The following NUP50 variants were observed in gnomAD, a reference collection of about 807,000 sequenced individuals.
NUP50 encodes nuclear pore complex protein Nup50.
In NUP50, 14 loss-of-function variants were observed where a neutral mutation model predicts 36.8. The ratio of observed to expected loss-of-function variants is 0.38; its 90% CI spans 0.25 to 0.59. NUP50 has a LOEUF of 0.59. Ranked by LOEUF, NUP50 falls within the 20% of genes least tolerant of loss-of-function variation. The pLI is 0.63. For missense variants in NUP50, 455 were observed against 564.6 expected (o/e 0.81, Z 1.97); for synonymous variants, 195 against 210.8 (o/e 0.93, Z 0.65).
intron 2 of NUP50, 60 bp from the exon 3 acceptor site, chr22:45,171,540 G>C (rs980803659): frequency 1.4e-6 from 2 of 1,433,408 alleles, no homozygotes; most frequent in South Asian, 2.3e-5. Flanking sequence ...TGTTGTTGTT[G>C]AGGATTTTGT....
intron 3 of NUP50, among the ~76,000 whole-genome samples, chr22:45,172,951 C>G (rs917031436): frequency 1.3e-5 from 2 of 152,166 alleles, no homozygotes; most frequent in African/African-American, 4.8e-5. Context: ...TACATGAAAT[C>G]GATTCTCAGG....
In NUP50 at chr22:45,186,815, CTT is replaced by C. The variant is rs935246293; in HGVS notation, c.*2162_*2163del. 1 of 152,516 alleles carries C rather than the reference CTT, an allele frequency of 6.6e-6. No homozygotes were observed. Among genetic ancestry groups the C allele is most frequent in the Non-Finnish European group, 1.5e-5 (1 of 68,032 alleles). 9.4% of individuals were successfully genotyped at this position (152,516 alleles called of 1,614,324 possible). A position where few individuals can be genotyped will look rare whatever the true frequency, so the allele number is the denominator to read the frequency against. ...ATTTTCTTAAAATCACTCTTTTATG[CTT>C]TAGGAACTGGTTGGTCTCCACTTTG... is the stretch of plus-strand genomic sequence containing the variant. On this transcript the variant is annotated 3_prime_UTR_variant, in exon 8 of 8. Coordinates refer to ENST00000347635, the MANE Select transcript of NUP50 (RefSeq NM_007172.4).
intron 1 of NUP50, 195 bp downstream of exon 1, chr22:45,164,491 C>T (rs532615013): frequency 2.8e-5 from 4 of 142,118 alleles, no homozygotes; most frequent in South Asian, 2.4e-4. Flanking sequence ...GGTGCGGGGC[C>T]GGGGGACCAG....
rs924495273 is a variant in NUP50, at chr22:45,164,227, C to T, written c.-80C>T. On this transcript the variant is annotated 5_prime_UTR_variant, in exon 1 of 8. Coordinates refer to ENST00000347635, the MANE Select transcript of NUP50 (RefSeq NM_007172.4). ...CCGGCGACCCCTGCGGGCTCCAGACCCCTGCGCCGCTGCGCCCCGGGTTTC... is the reference window on the plus strand; with the variant it reads ...CCGGCGACCCCTGCGGGCTCCAGACTCCTGCGCCGCTGCGCCCCGGGTTTC... The T allele has an allele frequency of 4.6e-5, 7 of 152,432 alleles. No homozygotes were observed. Among genetic ancestry groups the T allele is most frequent in the African/African-American group, 9.6e-5 (4 of 41,580 alleles). 9.4% of individuals were successfully genotyped at this position (152,432 alleles called of 1,614,324 possible).
In NUP50 at chr22:45,178,665, A is replaced by G. The variant is rs143190110; in HGVS notation, c.768A>G (p.Glu256=). The change falls in exon 5 of 8, where the codon GAA becomes GAG. Residue 256 remains glutamate (E), a synonymous_variant. Transcript: ENST00000347635. ...ACAAGAAGATGGAGGTGGCATCTGA[A>G]AAGAAAACGGACCCATCATCACTAG... ...TPDKKMEVAS[E]KKTDPSSLGA... is the part of the protein sequence containing the mutation. 1.4e-4 allele frequency: 228 copies of G among 1,611,952 alleles called. No individual in the cohort carries two copies. The highest frequency in any genetic ancestry group is 1.9e-4 in the Non-Finnish European group (219 of 1,179,862).
In NUP50 at chr22:45,168,157, C is replaced by G; in HGVS notation, c.-10-11C>G. Reference sequence around the variant, plus strand: ...CTAGAAAAATAAACTCTTCTGTTTTCTATAACTTAGGTTCGAAAACATGGC... The same window carrying G: ...CTAGAAAAATAAACTCTTCTGTTTTGTATAACTTAGGTTCGAAAACATGGC... On this transcript the variant is annotated splice_polypyrimidine_tract_variant and intron_variant, in intron 1 of 7. Coordinates refer to ENST00000347635, the MANE Select transcript of NUP50 (RefSeq NM_007172.4). 1.9e-6 allele frequency: 3 copies of G among 1,588,514 alleles called. No individual in the cohort carries two copies. Among genetic ancestry groups the G allele is most frequent in the Non-Finnish European group, 2.6e-6 (3 of 1,165,928 alleles).
At chr22:45,176,152 T>G in intron 4 of NUP50, 72 bp downstream of exon 4, 1 of 1,486,482 alleles carries the variant, frequency 6.7e-7, no homozygotes, top group South Asian at 1.3e-5. Flanking sequence ...AAGATGTTTT[T>G]CTTATAGCTA....
chr22:45,171,117 G>T, intron 2 of NUP50: 2 of 1,277,434 alleles, frequency 1.6e-6, no homozygotes, highest in Non-Finnish European at 2.0e-6. Context: ...AAGGTCCTAG[G>T]TGCCTCCGTG....
intron 3 of NUP50, chr22:45,172,282 G>C (rs2074207528): frequency 6.6e-6 from 1 of 150,752 alleles, no homozygotes; most frequent in Admixed American, 6.6e-5. Flanking sequence ...TGGACATCTG[G>C]TGTTAGGCAG....
At chr22:45,181,409 C>A in intron 6 of NUP50, 42 bp downstream of exon 6, 2 of 1,300,164 alleles carry the variant, frequency 1.5e-6, no homozygotes, top group Non-Finnish European at 1.1e-6. Context: ...GTTTTGCAGG[C>A]ATGGTGGCAT....
At chr22:45,174,321 G>A (rs1434179396) in intron 3 of NUP50, among the ~76,000 whole-genome samples, 2 of 152,142 alleles carry the variant, frequency 1.3e-5, no homozygotes, top group Admixed American at 1.3e-4. Context: ...GGGACTACAG[G>A]CATGCGCCAC....
Position 45,185,237 on chromosome 22 carries a change from C to G in NUP50, c.*582C>G, listed in dbSNP as rs1307853649. ...AGCGTTCGAATCATTGGCCTGTAAC[C>G]CTGTGGGCTGCTTCACGAGAATTCA... On this transcript the variant is annotated 3_prime_UTR_variant, in exon 8 of 8. Transcript: ENST00000347635. The G allele has an allele frequency of 6.5e-6, 1 of 153,414 alleles. No homozygotes were observed. Among genetic ancestry groups the G allele is most frequent in the African/African-American group, 2.4e-5 (1 of 41,376 alleles). The allele number at this position is 153,414 out of a possible 1,614,324, so 9.5% of individuals were successfully genotyped here.
In NUP50 at chr22:45,185,541, CTG is replaced by C. The variant is rs1413484525; in HGVS notation, c.*889_*890del. On this transcript the variant is annotated 3_prime_UTR_variant, in exon 8 of 8. Coordinates refer to ENST00000347635, the MANE Select transcript of NUP50 (RefSeq NM_007172.4). Reference sequence around the variant, plus strand: ...ATGATCAACCCCACGCACATGAAAACTGTGACCAAGTGACGTGCCTGGGAGCT... The same window carrying C: ...ATGATCAACCCCACGCACATGAAAACTGACCAAGTGACGTGCCTGGGAGCT... 13 of 151,990 alleles carry C rather than the reference CTG, an allele frequency of 8.6e-5. No homozygotes were observed. Among genetic ancestry groups the C allele is most frequent in the East Asian group, 1.9e-4 (1 of 5,196 alleles). The allele number at this position is 151,990 out of a possible 1,614,324, so 9.4% of individuals were successfully genotyped here.
At chr22:45,166,139 G>A (rs2074090412) in intron 1 of NUP50, 3 of 152,116 alleles carry the variant, frequency 2.0e-5, no homozygotes, top group East Asian at 1.9e-4. Flanking sequence ...GGACGTGGAA[G>A]CCCCTACATT....
At chr22:45,179,726 A>T (rs1192910357) in intron 5 of NUP50, among the ~76,000 whole-genome samples, 3 of 152,104 alleles carry the variant, frequency 2.0e-5, no homozygotes, top group Non-Finnish European at 2.9e-5. Flanking sequence ...CTCTACAAAA[A>T]TTTTTAAAAA....
intron 3 of NUP50, chr22:45,175,684 C>G (rs1313630972): frequency 2.1e-6 from 1 of 466,860 alleles, no homozygotes; most frequent in African/African-American, 2.0e-5. Flanking sequence ...CTGCCTGTTT[C>G]AGGAAAGCAG....
At position 45,183,426 on chromosome 22, in the gene NUP50, C is replaced by T. The variant is rs766373082; in HGVS notation, c.1110C>T (p.Asp370=). Residue 370 remains aspartate (D), a synonymous_variant, in exon 7 of 8, where the codon GAC becomes GAT. Transcript: ENST00000347635. ...GGTGTAAACTGTTTTACAAGAAAGA[C>T]AATGAGTTTAAAGAGAAAGGCATAG... ...SKKCKLFYKK[D]NEFKEKGIGT... 9.4e-6 allele frequency: 15 copies of T among 1,601,128 alleles called. No homozygotes were observed. The highest frequency in any genetic ancestry group is 2.2e-5 in the South Asian group (2 of 90,718).
chr22:45,168,933 A>G (rs369698566), intron 2 of NUP50, among the ~76,000 whole-genome samples: 23 of 127,576 alleles, frequency 1.8e-4, no homozygotes, highest in African/African-American at 7.1e-4. Flanking sequence ...ACAGAGTCTC[A>G]CCCTGTTGCC....
chr22:45,170,361 CTGGACTCTACAGTCG>C (rs2074170044), intron 2 of NUP50, among the ~76,000 whole-genome samples: 1 of 152,156 alleles, frequency 6.6e-6, no homozygotes, highest in Non-Finnish European at 1.5e-5. Flanking sequence ...CCCAGTAGGG[CTGGACTCTACAGTCG>C]TACCTTATCA....
Sources: allele counts gnomAD v4.1 joint callset (sites outside exome capture counted in the v4.1 genomes callset), GRCh38; gene constraint gnomAD v4.1.1; transcripts MANE v1.5; gene names NCBI Gene and HGNC (gene_info 2026-07-23, HGNC 2026-07-21).